Variants in DGKI observed in about 807,000 individuals in gnomAD.
DGKI encodes DAG kinase iota.
In DGKI, 55 loss-of-function variants were observed where a neutral mutation model predicts 147.5. That is an observed-to-expected ratio of 0.37 (90% confidence interval 0.30 to 0.47). The LOEUF is 0.47. Among genes scored for constraint, DGKI ranks in the 20% least tolerant of loss-of-function variants. DGKI has a pLI of 1.00. For missense variants in DGKI, 1,007 were observed against 1,323.8 expected, an observed-to-expected ratio of 0.76 and a Z score of 3.71; for synonymous variants, 469 against 477.1, an observed-to-expected ratio of 0.98 and a Z score of 0.22.
chr7:137,720,888 C>T (rs73460689), intron 1 of DGKI, among the ~76,000 whole-genome samples: 24,516 of 152,096 alleles, frequency 0.16, 3,030 homozygotes, highest in African/African-American at 0.33. Flanking sequence ...TTTTTACTAT[C>T]GTCTCCTAAT....
intron 29 of DGKI, among the ~76,000 whole-genome samples, chr7:137,408,585 A>G (rs932923670): frequency 1.2e-4 from 19 of 152,166 alleles, no homozygotes; most frequent in Admixed American, 5.2e-4. Flanking sequence ...CTTCATCCAG[A>G]TATGCAGCCC....
At chr7:137,689,861 A>C in intron 2 of DGKI, 33 bp downstream of exon 2, 1 of 1,389,096 alleles carries the variant, frequency 7.2e-7, no homozygotes, top group Non-Finnish European at 9.8e-7. Context: ...ACATGCACTG[A>C]AGTGATGTTT....
intron 1 of DGKI, among the ~76,000 whole-genome samples, chr7:137,784,311 C>T (rs1796603270): frequency 6.6e-6 from 1 of 152,108 alleles, no homozygotes; most frequent in Non-Finnish European, 1.5e-5. Flanking sequence ...TAAAATCCAG[C>T]AGTAGTAGCA....
chr7:137,742,734 TAA>T (rs1016377589), intron 1 of DGKI, among the ~76,000 whole-genome samples: 1 of 123,536 alleles, frequency 8.1e-6, no homozygotes. Context: ...GGAAAAAAAA[TAA>T]AGTCAGAAAG....
chr7:137,707,440 T>C (rs1352518549), intron 1 of DGKI, among the ~76,000 whole-genome samples: 5 of 152,204 alleles, frequency 3.3e-5, no homozygotes, highest in African/African-American at 7.2e-5. Flanking sequence ...TGGATCTGTG[T>C]TCATATCCAA....
intron 1 of DGKI, among the ~76,000 whole-genome samples, chr7:137,726,380 C>T (rs1344559561): frequency 6.6e-6 from 1 of 152,170 alleles, no homozygotes; most frequent in African/African-American, 2.4e-5. Flanking sequence ...TTTTCCCTTC[C>T]AATCCAAGTC....
chr7:137,441,684 A>G (rs1813515777), intron 28 of DGKI, among the ~76,000 whole-genome samples: 1 of 152,212 alleles, frequency 6.6e-6, no homozygotes, highest in African/African-American at 2.4e-5. Flanking sequence ...TTAGAGCCAA[A>G]GTGACTAGTT....
At chr7:137,492,860 C>G (rs1404537408) in intron 21 of DGKI, among the ~76,000 whole-genome samples, 1 of 152,188 alleles carries the variant, frequency 6.6e-6, no homozygotes, top group Non-Finnish European at 1.5e-5. Context: ...GGGTGTCTCC[C>G]AGGGACATGC....
chr7:137,451,337 G>A (rs948160725), intron 27 of DGKI, among the ~76,000 whole-genome samples: 4 of 152,172 alleles, frequency 2.6e-5, no homozygotes, highest in African/African-American at 9.7e-5. Flanking sequence ...TCACAAATCA[G>A]GGAACAAGAC....
chr7:137,783,476 C>G (rs978915298), intron 1 of DGKI, among the ~76,000 whole-genome samples: 4 of 152,162 alleles, frequency 2.6e-5, no homozygotes, highest in Non-Finnish European at 5.9e-5. Context: ...AAGTTTGAGA[C>G]TATGTTAAAT....
chr7:137,446,476 C>T (rs568629655), intron 27 of DGKI, among the ~76,000 whole-genome samples: 8 of 152,092 alleles, frequency 5.3e-5, no homozygotes, highest in East Asian at 1.9e-4. Flanking sequence ...TGCTGGAAAT[C>T]GGCATAAAAA....
At chr7:137,408,124 T>A in intron 29 of DGKI, 129 bp from the exon 30 acceptor site, 4 of 1,106,426 alleles carry the variant, frequency 3.6e-6, no homozygotes, top group Admixed American at 5.2e-5. Context: ...TAGAGAAAAG[T>A]CAAAAAGGTG....
intron 1 of DGKI, among the ~76,000 whole-genome samples, chr7:137,738,643 T>A (rs1465442644): frequency 6.6e-6 from 1 of 152,114 alleles, no homozygotes; most frequent in Non-Finnish European, 1.5e-5. Flanking sequence ...TGTACAGTTT[T>A]GGGCTTGGAA....
chr7:137,455,015 G>A (rs556372168), intron 27 of DGKI: 1 of 152,244 alleles, frequency 6.6e-6, no homozygotes, highest in African/African-American at 2.4e-5. Flanking sequence ...CGTGATCCCG[G>A]ATATGCAATA....
intron 1 of DGKI, among the ~76,000 whole-genome samples, chr7:137,829,232 C>T (rs947507977): frequency 6.6e-6 from 1 of 152,230 alleles, no homozygotes; most frequent in Non-Finnish European, 1.5e-5. Flanking sequence ...TCAGTCACCA[C>T]TGTGGTGAGG....
chr7:137,395,773 T>A (rs1003606697), intron 31 of DGKI, 76 bp from the exon 32 acceptor site: 2 of 1,371,878 alleles, frequency 1.5e-6, no homozygotes, highest in East Asian at 4.7e-5. Flanking sequence ...GGAGCTGATG[T>A]AGGGTGCTCC....
At chr7:137,715,823 C>T (rs545374358) in intron 1 of DGKI, among the ~76,000 whole-genome samples, 1 of 152,206 alleles carries the variant, frequency 6.6e-6, no homozygotes, top group South Asian at 2.1e-4. Context: ...GTGAATTCTG[C>T]TTGTAAGAGA....
intron 1 of DGKI, among the ~76,000 whole-genome samples, chr7:137,807,032 T>C (rs748480438): frequency 3.3e-5 from 5 of 152,178 alleles, no homozygotes; most frequent in Admixed American, 1.3e-4. Context: ...ATTTAAGAAC[T>C]ATGCTAAACT....
chr7:137,725,366 A>T (rs974228614), intron 1 of DGKI, among the ~76,000 whole-genome samples: 1 of 152,180 alleles, frequency 6.6e-6, no homozygotes, highest in Non-Finnish European at 1.5e-5. Flanking sequence ...GGGTCAAAAT[A>T]ACCAGATTTT....
Sources: allele counts gnomAD v4.1 joint callset (sites outside exome capture counted in the v4.1 genomes callset), GRCh38; gene constraint gnomAD v4.1.1; transcripts MANE v1.5; gene names NCBI Gene and HGNC (gene_info 2026-07-23, HGNC 2026-07-21).